The following GRIN2A variants were observed in gnomAD, a reference collection of about 807,000 sequenced individuals.
GRIN2A encodes glutamate receptor ionotropic, NMDA 2A.
A neutral mutation model predicts 113.4 loss-of-function variants in GRIN2A; 22 were observed. The observed-to-expected ratio is 0.19, with a 90% CI of 0.14 to 0.28. The LOEUF is 0.28. Ranked by LOEUF, GRIN2A falls within the 10% of genes least tolerant of loss-of-function variation. The pLI is 1.00. For missense variants in GRIN2A, 1,502 were observed against 1,887.0 expected, an observed-to-expected ratio of 0.80 and a Z score of 3.78; for synonymous variants, 827 against 738.4, an observed-to-expected ratio of 1.12 and a Z score of -1.94.
Position 10,144,922 on chromosome 16 carries a change from A to AAAC in GRIN2A, c.414+35075_414+35076insGTT, listed in dbSNP as rs1453914220. Among the ~76,000 whole-genome samples, 3 of 148,208 alleles carry AAAC rather than the reference A, an allele frequency of 2.0e-5. 1 individual carries two copies. The highest frequency in any genetic ancestry group is 6.7e-5 in the Admixed American group (1 of 14,980). On this transcript the variant is annotated intron_variant, in intron 2 of 12. Coordinates refer to ENST00000330684, the MANE Select transcript of GRIN2A (RefSeq NM_001134407.3). ...GGCGACAGAGCAAGACCCTGTCTCA[A>AAAC]AAAAAAAAAAAAAAAAAAGAGAGAT...
In GRIN2A at chr16:10,142,635, G is replaced by C. The variant is rs570975070; in HGVS notation, c.414+37363C>G. Among the ~76,000 whole-genome samples the C allele has an allele frequency of 2.6e-5, 4 of 152,302 alleles. No individual in the cohort carries two copies. In the South Asian group the frequency reaches 8.3e-4, roughly 32 times the overall value. On this transcript the variant is annotated intron_variant, in intron 2 of 12. Coordinates refer to ENST00000330684, the MANE Select transcript of GRIN2A (RefSeq NM_001134407.3). ...GATTGCTTGAGCCCAGGAGTTCAAG[G>C]CTGCAGTGAGCTGAGATCATGCCAC...
At chr16:10,153,048 G>A (rs1054662473) in intron 2 of GRIN2A, among the ~76,000 whole-genome samples, 2 of 152,146 alleles carry the variant, frequency 1.3e-5, no homozygotes, top group African/African-American at 2.4e-5. Context: ...CCCATAGAAT[G>A]TACAACACCA....
intron 4 of GRIN2A, among the ~76,000 whole-genome samples, chr16:9,879,792 G>A (rs1323052796): frequency 2.0e-5 from 3 of 152,192 alleles, no homozygotes; most frequent in Non-Finnish European, 2.9e-5. Flanking sequence ...GTCCTGATAT[G>A]AGGATTAAAT....
intron 2 of GRIN2A, among the ~76,000 whole-genome samples, chr16:10,100,405 G>C (rs1041144257): frequency 1.3e-5 from 2 of 152,202 alleles, no homozygotes; most frequent in Non-Finnish European, 2.9e-5. Flanking sequence ...TTGAGTGTTG[G>C]ATCACAGAGC....
At chr16:10,087,003 C>T (rs944214576) in intron 2 of GRIN2A, among the ~76,000 whole-genome samples, 3 of 152,140 alleles carry the variant, frequency 2.0e-5, no homozygotes, top group African/African-American at 7.2e-5. Context: ...TGTGGATTAC[C>T]ATGAATTGGG....
chr16:9,972,599 A>G (rs1322634937), intron 2 of GRIN2A, among the ~76,000 whole-genome samples: 1 of 152,250 alleles, frequency 6.6e-6, no homozygotes, highest in Non-Finnish European at 1.5e-5. Context: ...GAAATGAAAA[A>G]CAAAATATCT....
intron 4 of GRIN2A, among the ~76,000 whole-genome samples, chr16:9,854,387 A>G (rs1177302600): frequency 6.6e-6 from 1 of 152,012 alleles, no homozygotes; most frequent in Non-Finnish European, 1.5e-5. Flanking sequence ...CACCATTTTA[A>G]AAAGGGACTC....
intron 2 of GRIN2A, chr16:10,121,396 C>T (rs2352754): frequency 0.84 from 128,180 of 151,996 alleles, 54,853 homozygotes; most frequent in East Asian, 0.92. Flanking sequence ...ATGAGGAAGA[C>T]GTTGGGGCTT....
chr16:9,994,075 T>C (rs1163981503), intron 2 of GRIN2A, among the ~76,000 whole-genome samples: 2 of 152,318 alleles, frequency 1.3e-5, no homozygotes, highest in African/African-American at 4.8e-5. Flanking sequence ...TCACCCTCCA[T>C]GTTATCATCT....
At chr16:10,112,438 C>T in intron 2 of GRIN2A, 1 of 759,132 alleles carries the variant, frequency 1.3e-6, no homozygotes, top group African/African-American at 1.7e-5. Flanking sequence ...GCCAAGTACG[C>T]TCAGCACTTT....
intron 2 of GRIN2A, among the ~76,000 whole-genome samples, chr16:10,128,237 T>C (rs1167483577): frequency 6.6e-6 from 1 of 152,174 alleles, no homozygotes; most frequent in Non-Finnish European, 1.5e-5. Flanking sequence ...TCTGTATCCT[T>C]CAGCTATAAC....
chr16:10,114,461 C>T (rs149218365), intron 2 of GRIN2A, among the ~76,000 whole-genome samples: 79 of 152,282 alleles, frequency 5.2e-4, no homozygotes, highest in Non-Finnish European at 1.0e-3. Flanking sequence ...GTAGGCCAGT[C>T]GCCCACAGAA....
chr16:9,861,970 G>A (rs931907742), intron 4 of GRIN2A, among the ~76,000 whole-genome samples: 1 of 152,190 alleles, frequency 6.6e-6, no homozygotes, highest in African/African-American at 2.4e-5. Flanking sequence ...TTTCCTGGAA[G>A]CTGATTAAGA....
At chr16:10,164,383 G>A (rs1006121824) in intron 2 of GRIN2A, among the ~76,000 whole-genome samples, 5 of 152,146 alleles carry the variant, frequency 3.3e-5, no homozygotes, top group Admixed American at 6.5e-5. Context: ...GACGGACCCC[G>A]CAAAACCTCA....
intron 2 of GRIN2A, among the ~76,000 whole-genome samples, chr16:10,148,566 G>T (rs1484839992): frequency 2.0e-5 from 3 of 152,134 alleles, no homozygotes; most frequent in African/African-American, 7.2e-5. Flanking sequence ...GAAATGATTT[G>T]CTGACATGGC....
chr16:10,082,621 T>C (rs2048006205), intron 2 of GRIN2A, among the ~76,000 whole-genome samples: 1 of 152,244 alleles, frequency 6.6e-6, no homozygotes, highest in Non-Finnish European at 1.5e-5. Context: ...ACCTTCCCTG[T>C]GCTCAGAGAC....
chr16:10,126,300 A>T (rs926000498), intron 2 of GRIN2A, among the ~76,000 whole-genome samples: 2 of 151,894 alleles, frequency 1.3e-5, no homozygotes, highest in African/African-American at 4.8e-5. Context: ...GAAACAGACT[A>T]CAGGCGTGCA....
At chr16:9,844,243 C>G (rs555624340) in intron 5 of GRIN2A, among the ~76,000 whole-genome samples, 1 of 152,292 alleles carries the variant, frequency 6.6e-6, no homozygotes, top group East Asian at 1.9e-4. Flanking sequence ...TCACCCATAT[C>G]CCTGAACATG....
intron 2 of GRIN2A, among the ~76,000 whole-genome samples, chr16:9,979,811 A>G (rs977186351): frequency 7.0e-6 from 1 of 142,396 alleles, no homozygotes; most frequent in African/African-American, 2.6e-5. Context: ...ATATATATAT[A>G]TGTATATGTA....
Sources: gnomAD v4.1 joint callset for allele counts (sites outside exome capture counted in the v4.1 genomes callset) on GRCh38, gnomAD v4.1.1 for gene constraint, MANE v1.5 for transcripts, NCBI Gene and HGNC (gene_info 2026-07-23, HGNC 2026-07-21) for gene names.